BPIFB4: variants seen among roughly 807,000 people sequenced by gnomAD.
BPIFB4 encodes BPI fold-containing family B member 4.
Under a neutral mutation model 69.2 loss-of-function variants are expected in BPIFB4, and 62 were observed. That is an observed-to-expected ratio of 0.90 (90% CI 0.73 to 1.11). The LOEUF (loss-of-function observed/expected upper bound fraction) is 1.11. Ranked by LOEUF, BPIFB4 falls within the 50% of genes least tolerant of loss-of-function variation. The pLI, the probability that BPIFB4 is intolerant of heterozygous loss-of-function variation, is 0.00. For missense variants in BPIFB4, 789 were observed against 792.0 expected (o/e 1.00, Z 0.04); for synonymous variants, 330 against 332.7 (o/e 0.99, Z 0.09).
At chr20:33,110,099 G>A (rs144679145) in intron 17 of BPIFB4, among the ~76,000 whole-genome samples, 1 of 152,160 alleles carries the variant, frequency 6.6e-6, no homozygotes, top group Admixed American at 6.5e-5. Context: ...TGAAGAATCT[G>A]CAGACGTATT....
At chr20:33,083,928 G>A (rs950635458) in intron 5 of BPIFB4, 54 bp downstream of exon 5, 2 of 1,528,208 alleles carry the variant, frequency 1.3e-6, no homozygotes, top group South Asian at 1.3e-5. Context: ...CCAAATGGGG[G>A]TGATCACTCC....
rs566752779 is a variant in BPIFB4, at chr20:33,087,938, C to T, written c.927-1028C>T. ...GAAATTCTTTGCTTTGCTGAATTGG[C>T]GCAGCTCTGAACAGTCAGCCACAAC... On this transcript the variant is annotated intron_variant, in intron 7 of 17. Coordinates refer to ENST00000375483, the MANE Select transcript of BPIFB4 (RefSeq NM_182519.3). 2.6e-5 allele frequency among the ~76,000 whole-genome samples: 4 copies of T among 152,220 alleles called. No homozygotes were observed. In the South Asian group the frequency reaches 8.3e-4, roughly 32 times the overall value.
chr20:33,102,367 G>A (rs189197097), intron 14 of BPIFB4, among the ~76,000 whole-genome samples: 48 of 152,364 alleles, frequency 3.2e-4, no homozygotes, highest in East Asian at 1.2e-3. Flanking sequence ...CTCTCGGGTA[G>A]GACTGTCAGC....
rs1600556118 is a variant in BPIFB4, at chr20:33,089,551, C to T, written c.1044C>T (p.Leu348=). ...GTCTTGTCAATGACCAGCTGGGCCT[C>T]GTGGATTGTAAGTCCAATACACTTT... ...VLGLVNDQLG[L]VDSLIPLGIL... is the part of the protein sequence containing the mutation. The change falls in exon 9 of 18, where the codon CTC becomes CTT. Residue 348 remains leucine (L), a synonymous_variant. Coordinates refer to ENST00000375483, the MANE Select transcript of BPIFB4 (RefSeq NM_182519.3). 3.1e-6 allele frequency: 5 copies of T among 1,614,104 alleles called. No homozygotes were observed. The highest frequency in any genetic ancestry group is 2.2e-5 in the East Asian group (1 of 44,898).
At chr20:33,099,616 T>A (rs1007285) in intron 13 of BPIFB4, among the ~76,000 whole-genome samples, 7 of 151,908 alleles carry the variant, frequency 4.6e-5, no homozygotes, top group Admixed American at 3.9e-4. Flanking sequence ...CCCTGCCTCC[T>A]GGCCTTTGCC....
chr20:33,087,846 C>G (rs1326566539), intron 7 of BPIFB4, among the ~76,000 whole-genome samples: 1 of 152,198 alleles, frequency 6.6e-6, no homozygotes, highest in East Asian at 1.9e-4. Flanking sequence ...GGTGAATCCA[C>G]TTAAAAGGGG....
In BPIFB4 at chr20:33,095,151, A is replaced by C. The variant is rs1223708954; in HGVS notation, c.1396A>C (p.Lys466Gln). The change falls in exon 12 of 18, where the codon AAG becomes CAG. Residue 466 changes from lysine to glutamine, a missense_variant and splice_region_variant. Transcript: ENST00000375483. ...AGCCACACTGGGAGCCCTGATCCCCAAGGTATGTAAGGTGGGCAGGTCCCA... is the reference window on the plus strand; with the variant it reads ...AGCCACACTGGGAGCCCTGATCCCCCAGGTATGTAAGGTGGGCAGGTCCCA... ...TTATLGALIP[K>Q]VFQQYPESCP... 6.2e-7 allele frequency: 1 copy of C among 1,606,300 alleles called. No homozygotes were observed. Among genetic ancestry groups the C allele is most frequent in the East Asian group, 2.2e-5 (1 of 44,828 alleles).
intron 1 of BPIFB4, among the ~76,000 whole-genome samples, chr20:33,079,909 C>T (rs1402501872): frequency 6.6e-6 from 1 of 152,194 alleles, no homozygotes; most frequent in Non-Finnish European, 1.5e-5. Context: ...CATGCATGCG[C>T]AGAGCTGCAC....
intron 17 of BPIFB4, among the ~76,000 whole-genome samples, chr20:33,110,771 T>C (rs1600566842): frequency 6.6e-6 from 1 of 151,170 alleles, no homozygotes; most frequent in East Asian, 1.9e-4. Context: ...TTTTTTGGTC[T>C]ATGGGTTATC....
chr20:33,081,583 C>T lies in BPIFB4; in HGVS notation c.57C>T (p.Ser19=), dbSNP rs1388784226. ...CTGTGGTGGCTGTGTGTGGCACCAG[C>T]CACGAGACAAACACGGTCCTCAGGG... ...ALSVVAVCGT[S]HETNTVLRVT... Residue 19 remains serine (S), a synonymous_variant, in exon 3 of 18, where the codon AGC becomes AGT. Transcript: ENST00000375483. The T allele has an allele frequency of 6.4e-7, 1 of 1,551,718 alleles. No individual in the cohort carries two copies. Among genetic ancestry groups the T allele is most frequent in the Non-Finnish European group, 8.7e-7 (1 of 1,147,008 alleles).
At chr20:33,086,305 G>A in intron 7 of BPIFB4, 141 bp downstream of exon 7, 1 of 1,141,502 alleles carries the variant, frequency 8.8e-7, no homozygotes. Context: ...TACTCATGCT[G>A]AGCCAGCTGT....
At chr20:33,104,933 G>T in intron 16 of BPIFB4, 60 bp downstream of exon 16, 8 of 1,522,986 alleles carry the variant, frequency 5.3e-6, no homozygotes, top group Non-Finnish European at 7.3e-6. Flanking sequence ...GGGGATACTG[G>T]CTTGTTGGGC....
chr20:33,100,667 T>A (rs1180881032), intron 14 of BPIFB4, among the ~76,000 whole-genome samples, 174 bp downstream of exon 14: 1 of 152,086 alleles, frequency 6.6e-6, no homozygotes, highest in African/African-American at 2.4e-5. Flanking sequence ...CCAGGCAAGG[T>A]GGGTGAAGCC....
At chr20:33,102,872 TGAGGATAGTGGAGGG>T in intron 14 of BPIFB4, 85 bp from the exon 15 acceptor site, 2 of 1,194,668 alleles carry the variant, frequency 1.7e-6, no homozygotes, top group African/African-American at 1.5e-5. Context: ...AGAGTGATCG[TGAGGATAGTGGAGGG>T]GCTTCTCACA....
intron 2 of BPIFB4, among the ~76,000 whole-genome samples, chr20:33,080,851 C>T (rs1366420147): frequency 6.6e-6 from 1 of 151,574 alleles, no homozygotes; most frequent in Non-Finnish European, 1.5e-5. Flanking sequence ...GTTTGGATGA[C>T]AGATGGATGA....
intron 17 of BPIFB4, 64 bp downstream of exon 17, chr20:33,107,884 C>T: frequency 9.2e-6 from 13 of 1,405,440 alleles, no homozygotes; most frequent in Non-Finnish European, 1.3e-5. Context: ...CCTTTGACCA[C>T]TGCATTCAGG....
At chr20:33,099,959 A>G (rs1981862368) in intron 13 of BPIFB4, among the ~76,000 whole-genome samples, 1 of 152,112 alleles carries the variant, frequency 6.6e-6, no homozygotes, top group Non-Finnish European at 1.5e-5. Flanking sequence ...TGGGCCTTTT[A>G]TATCCTCTCC....
chr20:33,104,385 G>A (rs1018005681), intron 15 of BPIFB4, among the ~76,000 whole-genome samples: 9 of 152,256 alleles, frequency 5.9e-5, no homozygotes, highest in African/African-American at 1.9e-4. Flanking sequence ...TTAGAGAGGT[G>A]AAGGAGCCTG....
intron 13 of BPIFB4, among the ~76,000 whole-genome samples, chr20:33,099,657 C>T (rs1981852153): frequency 6.6e-6 from 1 of 152,134 alleles, no homozygotes; most frequent in South Asian, 2.1e-4. Flanking sequence ...GATTACTCTC[C>T]CACCCTCTTT....
Sources: gnomAD v4.1 joint callset for allele counts (sites outside exome capture counted in the v4.1 genomes callset) on GRCh38, gnomAD v4.1.1 for gene constraint, MANE v1.5 for transcripts, NCBI Gene and HGNC (gene_info 2026-07-23, HGNC 2026-07-21) for gene names.